ADCY7: variants seen among roughly 807,000 people sequenced by gnomAD.
ADCY7 encodes adenylate cyclase 7.
In ADCY7, 72 loss-of-function variants were observed where a neutral mutation model predicts 120.6. The ratio of observed to expected loss-of-function variants is 0.60; its 90% CI spans 0.49 to 0.73. ADCY7 has a LOEUF of 0.73. ADCY7 is among the 30% of genes least tolerant of loss of function. The pLI, the probability that ADCY7 is intolerant of heterozygous loss-of-function variation, is 0.00. For missense variants in ADCY7, 1,227 were observed against 1,486.0 expected (o/e 0.83, Z 2.87); for synonymous variants, 661 against 628.0 (o/e 1.05, Z -0.78).
chr16:50,278,191 C>T (rs1235306676), intron 1 of ADCY7, among the ~76,000 whole-genome samples: 3 of 152,028 alleles, frequency 2.0e-5, no homozygotes, highest in Non-Finnish European at 4.4e-5. Flanking sequence ...AAGCATGCAC[C>T]TCCACACCTG....
Position 50,310,730 on chromosome 16 carries a change from T to A in ADCY7, c.2204T>A (p.Val735Asp). The A allele has an allele frequency of 6.2e-7, 1 of 1,614,096 alleles. No individual in the cohort carries two copies. Among genetic ancestry groups the A allele is most frequent in the Non-Finnish European group, 8.5e-7 (1 of 1,179,988 alleles). ...GTCCTGGGCTTCATCGCCTGCTCGG[T>A]CTTCCTGAGGATGAGCCTGGAGCCA... ...SCVLGFIACSVFLRMSLEPKV... is the reference protein window; with the variant it reads ...SCVLGFIACSDFLRMSLEPKV... The change falls in exon 19 of 26, where the codon GTC becomes GAC. Residue 735 changes from valine (V) to aspartate (D), a missense_variant. Physicochemically the swap from Val to Asp is radical, Grantham distance 152 (BLOSUM62 -3). Around this residue, in one of 5 missense-constraint regions of ADCY7, gnomAD observed 267 missense variants for 270.0 expected, o/e 0.99. Transcript: ENST00000673801.
rs35353793 is a variant in ADCY7 at position 50,280,374 on chromosome 16, C to CAAA, written c.-268-7526_-268-7524dup. On this transcript the variant is annotated intron_variant, in intron 1 of 25. Coordinates refer to ENST00000673801, the MANE Select transcript of ADCY7 (RefSeq NM_001114.5). ...TAGTGGCCTATTTTATTAATTTTTT[C>CAAA]AAAAAAAAAAAAAACAACTCCTGGA... Among the ~76,000 whole-genome samples the CAAA allele has an allele frequency of 8.7e-3, 1,178 of 135,604 alleles. 12 individuals carry two copies. Among genetic ancestry groups the CAAA allele is most frequent in the African/African-American group, 0.027 (997 of 37,318 alleles). 89.0% of individuals were successfully genotyped at this position (135,604 alleles called of 152,430 possible).
chr16:50,317,796 G>C lies in ADCY7; in HGVS notation c.*2291G>C, dbSNP rs1387988605. The C allele has an allele frequency of 6.6e-6, 1 of 152,302 alleles. No homozygotes were observed. The highest frequency in any genetic ancestry group is 2.4e-5 in the African/African-American group (1 of 41,430). The allele number at this position is 152,302 out of a possible 1,614,324, so 9.4% of individuals were successfully genotyped here. ...CGTATCTAACAAACAAACAAACAGT[G>C]ACCTTCTCCATGGGTCAAGGACTTC... On this transcript the variant is annotated 3_prime_UTR_variant, in exon 26 of 26. Transcript: ENST00000673801.
At position 50,300,768 on chromosome 16, in the gene ADCY7, C is replaced by T. The variant is rs2035661132; in HGVS notation, c.1130C>T (p.Ser377Leu). The T allele has an allele frequency of 2.6e-6, 4 of 1,552,796 alleles. No individual in the cohort carries two copies. Among genetic ancestry groups the T allele is most frequent in the African/African-American group, 1.4e-5 (1 of 73,172 alleles). ...VDINMRVGIH[S>L]GNVLCGVIGL... ...ATCAACATGCGTGTGGGCATACACT[C>T]GGGGAATGTGCTGTGCGGGGTCATC... is the stretch of plus-strand genomic sequence containing the variant. Residue 377 changes from serine to leucine, a missense_variant, in exon 9 of 26, where the codon TCG becomes TTG. Ser to Leu is a moderately radical substitution (Grantham distance 145). Transcript: ENST00000673801.
At chr16:50,296,263 G>A in intron 7 of ADCY7, among the ~76,000 whole-genome samples, 1 of 151,992 alleles carries the variant, frequency 6.6e-6, no homozygotes, top group East Asian at 1.9e-4. Context: ...ACATTGTCTA[G>A]GCTGGTCTTG....
Position 50,278,153 on chromosome 16 carries a change from C to T in ADCY7, c.-268-9759C>T, listed in dbSNP as rs184403974. Among the ~76,000 whole-genome samples, 52 of 152,148 alleles carry T rather than the reference C, an allele frequency of 3.4e-4. 1 individual carries two copies. The highest frequency in any genetic ancestry group is 1.8e-3 in the Admixed American group (28 of 15,282). On this transcript the variant is annotated intron_variant, in intron 1 of 25. Coordinates refer to ENST00000673801, the MANE Select transcript of ADCY7 (RefSeq NM_001114.5). ...CTCCTGAGTTCAAGCGATTCTCGTG[C>T]CCCAGCCTCCCAAGTAGCTGGGATT...
chr16:50,309,538 T>A lies in ADCY7; in HGVS notation c.2062-10T>A. On this transcript the variant is annotated splice_polypyrimidine_tract_variant and intron_variant, in intron 17 of 25. Coordinates refer to ENST00000673801, the MANE Select transcript of ADCY7 (RefSeq NM_001114.5). ...GTCCCTGGACTGATGGGGACCTGTC[T>A]CCTCTACAGCCCCTGATGCCTTTCC... is the stretch of plus-strand genomic sequence containing the variant. 6.2e-7 allele frequency: 1 copy of A among 1,613,106 alleles called. No homozygotes were observed. The highest frequency in any genetic ancestry group is 8.5e-7 in the Non-Finnish European group (1 of 1,179,268).
At chr16:50,253,169 G>T (rs1294497495) in intron 1 of ADCY7, among the ~76,000 whole-genome samples, 1 of 152,170 alleles carries the variant, frequency 6.6e-6, no homozygotes, top group East Asian at 1.9e-4. Flanking sequence ...TTAGAGAGCT[G>T]CACTAAACAG....
intron 14 of ADCY7, 42 bp downstream of exon 14, chr16:50,305,891 T>A (rs1393298340): frequency 1.3e-6 from 2 of 1,598,140 alleles, no homozygotes; most frequent in South Asian, 1.1e-5. Flanking sequence ...GGACGGGGTC[T>A]CCAGGCCTGG....
intron 2 of ADCY7, among the ~76,000 whole-genome samples, chr16:50,289,507 C>G (rs1171295980): frequency 1.3e-5 from 2 of 152,270 alleles, no homozygotes; most frequent in African/African-American, 4.8e-5. Flanking sequence ...CTCTTATTGC[C>G]CAGGCTGGAG....
rs569716485 is a variant in ADCY7 at position 50,297,833 on chromosome 16, G to A, written c.949-1071G>A. On this transcript the variant is annotated intron_variant, in intron 7 of 25. Coordinates refer to ENST00000673801, the MANE Select transcript of ADCY7 (RefSeq NM_001114.5). This position sits in a 1 kb window ranked among gnomAD's most constrained non-coding sequence, Gnocchi z 4.4. Reference sequence around the variant, plus strand: ...TCCTGGCCAGAAGCCAGAGCACAGGGCCACCTGCTGGGGCGTCCAGTCCGA... The same window carrying A: ...TCCTGGCCAGAAGCCAGAGCACAGGACCACCTGCTGGGGCGTCCAGTCCGA... Among the ~76,000 whole-genome samples the A allele has an allele frequency of 3.9e-5, 6 of 152,312 alleles. No individual in the cohort carries two copies. The South Asian group carries it at 1.2e-3, about 32-fold the overall frequency.
intron 1 of ADCY7, among the ~76,000 whole-genome samples, chr16:50,253,551 G>A (rs1384885333): frequency 6.6e-6 from 1 of 152,176 alleles, no homozygotes; most frequent in Admixed American, 6.5e-5. Context: ...ACCGCACCCA[G>A]CCAAAAATGG....
chr16:50,314,498 A>T (rs9926131), intron 24 of ADCY7, 92 bp downstream of exon 24: 527,444 of 907,744 alleles, frequency 0.58, 161,566 homozygotes, highest in Middle Eastern at 0.72. Flanking sequence ...GCCATCTATT[A>T]TGAAAGGTTT....
At chr16:50,291,340 G>T (rs537060385) in intron 3 of ADCY7, among the ~76,000 whole-genome samples, 5 of 135,898 alleles carry the variant, frequency 3.7e-5, no homozygotes, top group Admixed American at 1.5e-4. Flanking sequence ...TGGTGGGGCA[G>T]CTCTGGGGGT....
intron 15 of ADCY7, among the ~76,000 whole-genome samples, chr16:50,307,750 C>T (rs1318692347): frequency 6.6e-6 from 1 of 152,188 alleles, no homozygotes; most frequent in Non-Finnish European, 1.5e-5. Flanking sequence ...GTAATCCCAG[C>T]ACTTTGGGAG....
chr16:50,263,850 T>C (rs1006707559), upstream of ADCY7, among the ~76,000 whole-genome samples: 1 of 152,122 alleles, frequency 6.6e-6, no homozygotes, highest in Non-Finnish European at 1.5e-5. Context: ...CCTCAGGGTT[T>C]GAGCATGTGT....
chr16:50,308,006 A>AG (rs913748379), intron 15 of ADCY7, among the ~76,000 whole-genome samples: 2 of 151,878 alleles, frequency 1.3e-5, no homozygotes, highest in African/African-American at 4.8e-5. Flanking sequence ...AAAAAAAAAA[A>AG]AAAAAAAAAA....
At chr16:50,307,202 G>T (rs949799223) in intron 15 of ADCY7, 55 bp downstream of exon 15, 1 of 1,545,016 alleles carries the variant, frequency 6.5e-7, no homozygotes, top group Non-Finnish European at 8.8e-7. Flanking sequence ...AGGCTGGAAG[G>T]TGACTATGAA....
rs369936041 is a variant in ADCY7 at position 50,294,760 on chromosome 16, G to A, written c.948+9G>A. On this transcript the variant is annotated intron_variant, in intron 7 of 25. Coordinates refer to ENST00000673801, the MANE Select transcript of ADCY7 (RefSeq NM_001114.5). The stretch of plus-strand genomic sequence containing the variant: ...TCGACCAGATCGCCAAGGTGAGCCC[G>A]CTGGCCTACAATGGGCAAAGCCAGG... 3.7e-6 allele frequency: 6 copies of A among 1,601,358 alleles called. No homozygotes were observed. The highest frequency in any genetic ancestry group is 5.1e-6 in the Non-Finnish European group (6 of 1,170,234).
Sources: gnomAD v4.1 joint callset for allele counts (sites outside exome capture counted in the v4.1 genomes callset) on GRCh38, gnomAD v4.1.1 for gene constraint, gnomAD v4.1.1 regional missense constraint, Gnocchi (gnomAD v3.1) non-coding constraint, MANE v1.5 for transcripts, NCBI Gene and HGNC (gene_info 2026-07-23, HGNC 2026-07-21) for gene names.